UNKL: variants seen among roughly 807,000 people sequenced by gnomAD.
UNKL encodes the protein putative E3 ubiquitin-protein ligase UNKL.
Under a neutral mutation model 78.0 loss-of-function variants are expected in UNKL, and 60 were observed. That is an observed-to-expected ratio of 0.77 (90% CI 0.63 to 0.95). The LOEUF (loss-of-function observed/expected upper bound fraction) is 0.95. UNKL is among the 40% of genes least tolerant of loss of function. UNKL has a pLI of 0.00. For synonymous variants in UNKL, 608 were observed against 474.8 expected, an observed-to-expected ratio of 1.28 and a Z score of -3.65; for missense variants, 1,159 against 1,045.7, an observed-to-expected ratio of 1.11 and a Z score of -1.49.
rs2035389206 is a variant in UNKL, at chr16:1,367,507, TCCCTCCCCCTCCC to T, written c.1788+136_1788+148del. 1.9e-3 allele frequency: 49 copies of T among 26,376 alleles called. 2 individuals are homozygous for T. Among genetic ancestry groups the T allele is most frequent in the South Asian group, 8.0e-3 (28 of 3,482 alleles). 1.6% of individuals were successfully genotyped at this position (26,376 alleles called of 1,614,324 possible). Reference sequence around the variant, plus strand: ...GGCCCTCCCTCCCTCCCTCCCTCCCTCCCTCCCCCTCCCGTCTCACCCCCCACACGCTCACCTG... The same window carrying T: ...GGCCCTCCCTCCCTCCCTCCCTCCCTGTCTCACCCCCCACACGCTCACCTG... On this transcript the variant is annotated intron_variant, in intron 13 of 14. Transcript: ENST00000389221.
chr16:1,404,586 T>C (rs1240795652), intron 2 of UNKL, among the ~76,000 whole-genome samples: 2 of 152,118 alleles, frequency 1.3e-5, no homozygotes, highest in African/African-American at 4.8e-5. Context: ...CAACGCTACC[T>C]TGGTACCCAG....
intron 2 of UNKL, among the ~76,000 whole-genome samples, chr16:1,404,212 C>A (rs2037652258): frequency 6.6e-6 from 1 of 152,196 alleles, no homozygotes; most frequent in African/African-American, 2.4e-5. Flanking sequence ...AGGGCCAAGG[C>A]AGAGGATGAC....
chr16:1,401,547 C>T lies in UNKL; in HGVS notation c.598+21G>A, dbSNP rs769863798. On this transcript the variant is annotated intron_variant, in intron 4 of 14. Coordinates refer to ENST00000389221, the MANE Select transcript of UNKL (RefSeq NM_001372107.1). The stretch of plus-strand genomic sequence containing the variant: ...TGCCCGCCCCCCCCACCACCGCCCT[C>T]AGCTGCGGCCGTGGAGTTACCTTGC... The T allele has an allele frequency of 4.2e-5, 64 of 1,536,206 alleles. 1 individual carries two copies. Among genetic ancestry groups the T allele is most frequent in the Non-Finnish European group, 5.5e-5 (63 of 1,135,718 alleles).
At position 1,403,513 on chromosome 16, in the gene UNKL, C is replaced by T. The variant is rs563011800; in HGVS notation, c.288-169G>A. Among the ~76,000 whole-genome samples, 1 of 152,168 alleles carries T rather than the reference C, an allele frequency of 6.6e-6. No individual in the cohort carries two copies. Among genetic ancestry groups the T allele is most frequent in the African/African-American group, 2.4e-5 (1 of 41,432 alleles). ...GACACACTGGACGCAGCACCTGTCC[C>T]CAAATGTGGAACCGCCCAGGTACAC... is the stretch of plus-strand genomic sequence containing the variant. On this transcript the variant is annotated intron_variant, in intron 2 of 14. Coordinates refer to ENST00000389221, the MANE Select transcript of UNKL (RefSeq NM_001372107.1). The surrounding 1 kb of genome is among the most constrained non-coding windows in gnomAD (Gnocchi z 4.8).
Position 1,386,834 on chromosome 16 carries a change from CAGG to C in UNKL, c.1087-1452_1087-1450del, listed in dbSNP as rs1356158812. ...CAGATTTGCCCCTCAGCCCACGGCCCAGGAGGTGCACAGAGCCCCCCGTGACTG... is the reference window on the plus strand; with the variant it reads ...CAGATTTGCCCCTCAGCCCACGGCCCAGGTGCACAGAGCCCCCCGTGACTG... On this transcript the variant is annotated intron_variant, in intron 9 of 14. Coordinates refer to ENST00000389221, the MANE Select transcript of UNKL (RefSeq NM_001372107.1). Among the ~76,000 whole-genome samples, 4 of 152,146 alleles carry C rather than the reference CAGG, an allele frequency of 2.6e-5. No individual in the cohort carries two copies. The East Asian group carries it at 7.7e-4, about 29-fold the overall frequency.
rs757685894 is a variant in UNKL at position 1,367,851 on chromosome 16, G to A, written c.1593C>T (p.Asn531=). The A allele has an allele frequency of 2.5e-5, 39 of 1,565,288 alleles. No individual in the cohort carries two copies. Among genetic ancestry groups the A allele is most frequent in the Non-Finnish European group, 3.0e-5 (35 of 1,155,950 alleles). ...AGTCCCAGATGCTCCCGGGGACACC[G>A]TTCAAACCTGAGTGTGAAACGGTCG... ...AASSYSPLGL[N]GVPGSIWDFV... is the part of the protein sequence containing the mutation. Residue 531 remains asparagine (N), a synonymous_variant, in exon 13 of 15, where the codon AAC becomes AAT. Coordinates refer to ENST00000389221, the MANE Select transcript of UNKL (RefSeq NM_001372107.1).
intron 10 of UNKL, among the ~76,000 whole-genome samples, chr16:1,372,880 A>G (rs4984825): frequency 0.71 from 25,633 of 36,352 alleles, 10,230 homozygotes; most frequent in East Asian, 0.99. Flanking sequence ...AGCAGCGTGG[A>G]GCACACCACA....
chr16:1,395,784 G>A lies in UNKL; in HGVS notation c.852+1394C>T, dbSNP rs1405323628. ...GCCTGCGTGACTGAACACAGAAAAC[G>A]CCCCGGACACCGGACTCCCGACAGG... On this transcript the variant is annotated intron_variant, in intron 6 of 14. Transcript: ENST00000389221. 4.8e-5 allele frequency: 22 copies of A among 456,230 alleles called. No individual in the cohort carries two copies. The East Asian group carries it at 1.3e-3, about 26-fold the overall frequency. The allele number at this position is 456,230 out of a possible 1,614,324, so 28.3% of individuals were successfully genotyped here. A position where few individuals can be genotyped will look rare whatever the true frequency, so the allele number is the denominator to read the frequency against.
intron 5 of UNKL, chr16:1,398,937 G>C: frequency 6.5e-7 from 1 of 1,548,022 alleles, no homozygotes. Flanking sequence ...CGTCCCAGCT[G>C]CCAGCTGTGA....
At position 1,366,013 on chromosome 16, in the gene UNKL, A is replaced by G. The variant is rs2035222293; in HGVS notation, c.*227T>C. 2.2e-6 allele frequency: 1 copy of G among 462,808 alleles called. No individual in the cohort carries two copies. The highest frequency in any genetic ancestry group is 3.7e-6 in the Non-Finnish European group (1 of 273,356). 28.7% of individuals were successfully genotyped at this position (462,808 alleles called of 1,614,324 possible). On this transcript the variant is annotated 3_prime_UTR_variant, in exon 15 of 15. Coordinates refer to ENST00000389221, the MANE Select transcript of UNKL (RefSeq NM_001372107.1). The stretch of plus-strand genomic sequence containing the variant: ...GTTTGCATTTAAGGTTTTTGAGGAA[A>G]ATACCTTGAAACCGTCGGTAGGACT...
chr16:1,389,905 G>A (rs2036972496), intron 9 of UNKL, among the ~76,000 whole-genome samples: 1 of 152,196 alleles, frequency 6.6e-6, no homozygotes, highest in Non-Finnish European at 1.5e-5. Context: ...CTGGGCTCCA[G>A]CAATTCTCTT....
chr16:1,410,522 G>T (rs963234954), intron 2 of UNKL, among the ~76,000 whole-genome samples: 1 of 152,004 alleles, frequency 6.6e-6, no homozygotes, highest in Non-Finnish European at 1.5e-5. Flanking sequence ...CAGGAGAATC[G>T]CTTGAACCCG....
In UNKL at chr16:1,367,863, G is replaced by C. The variant is rs1452572184; in HGVS notation, c.1586-5C>G. 6.4e-7 allele frequency: 1 copy of C among 1,555,294 alleles called. No homozygotes were observed. ...TCCCGGGGACACCGTTCAAACCTGA[G>C]TGTGAAACGGTCGATGACGGCCCAG... On this transcript the variant is annotated splice_polypyrimidine_tract_variant and splice_region_variant and intron_variant, in intron 12 of 14. Coordinates refer to ENST00000389221, the MANE Select transcript of UNKL (RefSeq NM_001372107.1).
chr16:1,394,061 T>C, intron 7 of UNKL, 70 bp downstream of exon 7: 2 of 1,478,896 alleles, frequency 1.4e-6, no homozygotes, highest in Non-Finnish European at 1.8e-6. Context: ...GGGTCATCGG[T>C]AACTCCAGTG....
chr16:1,370,470 T>TC, intron 11 of UNKL, 113 bp from the exon 12 acceptor site: 1 of 1,026,296 alleles, frequency 9.7e-7, no homozygotes, highest in South Asian at 1.6e-5. Context: ...GGTGGGGATA[T>TC]GGGGGGTGGG....
At chr16:1,397,109 G>A (rs971987134) in intron 6 of UNKL, 69 bp downstream of exon 6, 3 of 1,476,378 alleles carry the variant, frequency 2.0e-6, no homozygotes, top group African/African-American at 1.4e-5. Flanking sequence ...TGATAACCAC[G>A]CTGTGAACCC....
In UNKL at chr16:1,365,507, G is replaced by T. The variant is rs1269267945; in HGVS notation, c.*733C>A. On this transcript the variant is annotated 3_prime_UTR_variant, in exon 15 of 15. Coordinates refer to ENST00000389221, the MANE Select transcript of UNKL (RefSeq NM_001372107.1). ...CTCCTGCTCCCACGCCACGAGGCTG[G>T]AACATCAGCCCCAGTGCCTGGTGCA... is the stretch of plus-strand genomic sequence containing the variant. 6.6e-6 allele frequency: 1 copy of T among 152,524 alleles called. No homozygotes were observed. The highest frequency in any genetic ancestry group is 1.5e-5 in the Non-Finnish European group (1 of 68,034). 9.4% of individuals were successfully genotyped at this position (152,524 alleles called of 1,614,324 possible). A position where few individuals can be genotyped will look rare whatever the true frequency, so the allele number is the denominator to read the frequency against.
intron 10 of UNKL, among the ~76,000 whole-genome samples, chr16:1,374,218 T>C (rs2036038865): frequency 6.6e-6 from 1 of 151,932 alleles, no homozygotes; most frequent in Non-Finnish European, 1.5e-5. Flanking sequence ...ACAGGGACTG[T>C]TGCGCAGGCG....
chr16:1,407,489 A>C (rs2037820625), intron 2 of UNKL: 1 of 152,230 alleles, frequency 6.6e-6, no homozygotes. Context: ...TGGGTGGATT[A>C]CTTGAGCCCA....
Sources: allele counts gnomAD v4.1 joint callset (sites outside exome capture counted in the v4.1 genomes callset), GRCh38; gene constraint gnomAD v4.1.1; non-coding constraint Gnocchi (gnomAD v3.1); transcripts MANE v1.5; gene names NCBI Gene and HGNC (gene_info 2026-07-23, HGNC 2026-07-21).